Variants in KIF3A observed in about 807,000 individuals in gnomAD.
The protein encoded by KIF3A is kinesin family member 3A.
In KIF3A, 27 loss-of-function variants were observed where a neutral mutation model predicts 92.6. The observed-to-expected ratio is 0.29, with a 90% CI of 0.21 to 0.40. The LOEUF (loss-of-function observed/expected upper bound fraction) is 0.40, where lower values mean the gene tolerates loss of function less well. Among genes scored for constraint, KIF3A ranks in the 10% least tolerant of loss-of-function variants. The pLI is 1.00. For missense variants in KIF3A, 581 were observed against 872.6 expected (o/e 0.67, Z 4.21); for synonymous variants, 250 against 275.4 (o/e 0.91, Z 0.92).
At chr5:132,714,133 C>T (rs145818827) in intron 8 of KIF3A, among the ~76,000 whole-genome samples, 1 of 151,850 alleles carries the variant, frequency 6.6e-6, no homozygotes, top group African/African-American at 2.4e-5. Flanking sequence ...CTGACCTCAA[C>T]TGATCCACCC....
intron 15 of KIF3A, 103 bp downstream of exon 15, chr5:132,701,984 T>C (rs1753053312): frequency 8.1e-7 from 1 of 1,239,414 alleles, no homozygotes; most frequent in African/African-American, 1.5e-5. Context: ...AAATTGTACA[T>C]TCAATAACTG....
At chr5:132,709,568 A>C (rs1753342950) in intron 9 of KIF3A, among the ~76,000 whole-genome samples, 1 of 152,274 alleles carries the variant, frequency 6.6e-6, no homozygotes, top group Non-Finnish European at 1.5e-5. Context: ...ATATTTTAAC[A>C]TATTACTGGC....
In KIF3A at chr5:132,728,187, CTAGGTCATGTACTT is replaced by C. The variant is rs571819234; in HGVS notation, c.281-1703_281-1690del. On this transcript the variant is annotated intron_variant, in intron 2 of 18. Coordinates refer to ENST00000403231, the MANE Select transcript of KIF3A (RefSeq NM_001300791.2). ...TCACTTACTGATCATTTGCTATGTG[CTAGGTCATGTACTT>C]TACATGCTTTTTTTTTAAGAGATGA... Among the ~76,000 whole-genome samples the C allele has an allele frequency of 1.6e-3, 243 of 152,146 alleles. 1 individual carries two copies. The highest frequency in any genetic ancestry group is 5.5e-3 in the African/African-American group (229 of 41,526).
chr5:132,713,090 G>A (rs549615704), intron 8 of KIF3A, among the ~76,000 whole-genome samples: 1 of 152,324 alleles, frequency 6.6e-6, no homozygotes, highest in East Asian at 1.9e-4. Flanking sequence ...CAGGGAGGCA[G>A]AGGTTGCAGT....
rs552319448 is a variant in KIF3A, at chr5:132,730,744, T to C, written c.280+3461A>G. 2.7e-5 allele frequency among the ~76,000 whole-genome samples: 4 copies of C among 149,794 alleles called. No individual in the cohort carries two copies. In the South Asian group the frequency reaches 6.4e-4, roughly 24 times the overall value. On this transcript the variant is annotated intron_variant, in intron 2 of 18. Transcript: ENST00000403231. ...CGGGAGGTAGACGCTAAGTGAGCCA[T>C]GATCACACCACTGCACTCCAGCCTG...
At chr5:132,709,502 G>A (rs975137592) in intron 9 of KIF3A, among the ~76,000 whole-genome samples, 2 of 152,028 alleles carry the variant, frequency 1.3e-5, no homozygotes, top group African/African-American at 4.8e-5. Context: ...ACTTTCAAAA[G>A]GCTCACTGAA....
intron 1 of KIF3A, among the ~76,000 whole-genome samples, chr5:132,734,706 G>A (rs77981514): frequency 0.014 from 2,182 of 152,268 alleles, 60 homozygotes; most frequent in African/African-American, 0.049. Flanking sequence ...AGGGAGAGAA[G>A]AGCTAGTTCA....
intron 10 of KIF3A, 78 bp downstream of exon 10, chr5:132,708,829 T>G: frequency 5.5e-6 from 5 of 908,130 alleles, no homozygotes; most frequent in Non-Finnish European, 8.8e-6. Flanking sequence ...CAGGGAGTGG[T>G]GCAGCATTGC....
At chr5:132,689,401 T>C (rs1752611389), downstream of KIF3A, among the ~76,000 whole-genome samples, 1 of 152,086 alleles carries the variant, frequency 6.6e-6, no homozygotes, top group South Asian at 2.1e-4. Flanking sequence ...AATAACATTA[T>C]TAGGACCAAA....
chr5:132,702,322 T>C, intron 14 of KIF3A, 110 bp from the exon 15 acceptor site: 1 of 1,043,260 alleles, frequency 9.6e-7, no homozygotes, highest in Non-Finnish European at 1.4e-6. Flanking sequence ...CTTACCTAGT[T>C]CTTTTATAAA....
intron 9 of KIF3A, 50 bp downstream of exon 9, chr5:132,710,909 C>G (rs1453921187): frequency 2.5e-6 from 4 of 1,612,862 alleles, no homozygotes; most frequent in Non-Finnish European, 3.4e-6. Context: ...ACTCTACCAC[C>G]TTGTGAAACC....
chr5:132,711,111 T>C, intron 8 of KIF3A, 54 bp from the exon 9 acceptor site: 1 of 1,514,532 alleles, frequency 6.6e-7, no homozygotes, highest in Non-Finnish European at 9.2e-7. Context: ...TCATTAGCTA[T>C]TTAGGAAATA....
chr5:132,698,219 A>T (rs1196845577), intron 18 of KIF3A, among the ~76,000 whole-genome samples: 2 of 152,198 alleles, frequency 1.3e-5, no homozygotes, highest in Non-Finnish European at 2.9e-5. Context: ...CCATGCACTC[A>T]AAGTAGGGAA....
chr5:132,721,435 A>T (rs1178263723), intron 4 of KIF3A: 1 of 152,200 alleles, frequency 6.6e-6, no homozygotes, highest in Non-Finnish European at 1.5e-5. Context: ...TACAAACCAA[A>T]AGAATAAAAA....
In KIF3A at chr5:132,716,826, G is replaced by C; in HGVS notation, c.756+19C>G. 1 of 1,610,594 alleles carries C rather than the reference G, an allele frequency of 6.2e-7. No homozygotes were observed. ...ATCACAAGAAAGAGTTATTCCTTAAGCAGTGTCCTGTTACTTACAGCAAGA... is the reference window on the plus strand; with the variant it reads ...ATCACAAGAAAGAGTTATTCCTTAACCAGTGTCCTGTTACTTACAGCAAGA... On this transcript the variant is annotated intron_variant, in intron 6 of 18. Coordinates refer to ENST00000403231, the MANE Select transcript of KIF3A (RefSeq NM_001300791.2).
chr5:132,706,413 T>C, intron 11 of KIF3A, 38 bp downstream of exon 11: 3 of 1,480,178 alleles, frequency 2.0e-6, no homozygotes, highest in Non-Finnish European at 2.7e-6. Context: ...ATAGGATAAA[T>C]AATTGTACCA....
At chr5:132,721,321 A>G (rs1753816259) in intron 4 of KIF3A, 2 of 152,214 alleles carry the variant, frequency 1.3e-5, no homozygotes, top group African/African-American at 4.8e-5. Context: ...TTACCTTATG[A>G]GAAATTTTAA....
intron 4 of KIF3A, among the ~76,000 whole-genome samples, chr5:132,721,942 A>G (rs1242184452): frequency 6.6e-6 from 1 of 152,204 alleles, no homozygotes; most frequent in African/African-American, 2.4e-5. Flanking sequence ...TACACCTTTT[A>G]AAAGGTTTGA....
chr5:132,690,559 C>A (rs187311351), downstream of KIF3A, among the ~76,000 whole-genome samples: 5 of 152,268 alleles, frequency 3.3e-5, no homozygotes, highest in African/African-American at 9.6e-5. Flanking sequence ...ATGCTAATTA[C>A]CCTGATCTGA....
Sources: gnomAD v4.1 joint callset for allele counts (sites outside exome capture counted in the v4.1 genomes callset) on GRCh38, gnomAD v4.1.1 for gene constraint, MANE v1.5 for transcripts, NCBI Gene and HGNC (gene_info 2026-07-23, HGNC 2026-07-21) for gene names.